DCLK1: variants seen among roughly 807,000 people sequenced by gnomAD.
DCLK1 encodes serine/threonine-protein kinase DCLK1.
In DCLK1, 16 loss-of-function variants were observed where a neutral mutation model predicts 86.2. The ratio of observed to expected loss-of-function variants is 0.19; its 90% confidence interval spans 0.13 to 0.28. The LOEUF is 0.28. Among genes scored for constraint, DCLK1 ranks in the 10% least tolerant of loss-of-function variants. The pLI is 1.00. For synonymous variants in DCLK1, 369 were observed against 370.5 expected (o/e 1.00, Z 0.05); for missense variants, 590 against 940.2 (o/e 0.63, Z 4.87).
intron 6 of DCLK1, among the ~76,000 whole-genome samples, chr13:35,843,798 A>G (rs941944082): frequency 2.0e-5 from 3 of 152,226 alleles, no homozygotes; most frequent in South Asian, 2.1e-4. Context: ...TAATTTAGAA[A>G]TCAAGTTATC....
At chr13:36,032,828 C>T (rs982779201) in intron 3 of DCLK1, among the ~76,000 whole-genome samples, 1 of 152,214 alleles carries the variant, frequency 6.6e-6, no homozygotes, top group Non-Finnish European at 1.5e-5. Context: ...TTCCTTTTAT[C>T]GCAAATGCAG....
At chr13:35,958,283 T>TACTATAACCA (rs1566621020) in intron 3 of DCLK1, among the ~76,000 whole-genome samples, 2 of 3,950 alleles carry the variant, frequency 5.1e-4, no homozygotes, top group Admixed American at 2.7e-3. Context: ...CCACCATCAC[T>TACTATAACCA]GCCACTATAA....
chr13:36,045,967 T>C (rs1882901624), intron 3 of DCLK1, among the ~76,000 whole-genome samples: 1 of 152,144 alleles, frequency 6.6e-6, no homozygotes, highest in South Asian at 2.1e-4. Context: ...TTAGGTTAAT[T>C]CATGACCCAA....
chr13:35,830,234 T>A (rs1437113646), intron 8 of DCLK1, among the ~76,000 whole-genome samples: 1 of 151,214 alleles, frequency 6.6e-6, no homozygotes, highest in African/African-American at 2.4e-5. Context: ...AAAAAAAAAA[T>A]ACAAAAATTA....
intron 1 of DCLK1, among the ~76,000 whole-genome samples, chr13:36,129,658 A>C (rs1235379139): frequency 6.6e-6 from 1 of 152,260 alleles, no homozygotes; most frequent in East Asian, 1.9e-4. Flanking sequence ...CTTTCTGCAC[A>C]GGAAGGCTGC....
chr13:35,990,495 T>C (rs1880172244), intron 3 of DCLK1, among the ~76,000 whole-genome samples: 1 of 152,042 alleles, frequency 6.6e-6, no homozygotes, highest in African/African-American at 2.4e-5. Flanking sequence ...GCTCCCAGGA[T>C]ACCTCTCCAC....
At chr13:35,868,604 T>A (rs1430489667) in intron 5 of DCLK1, among the ~76,000 whole-genome samples, 1 of 152,198 alleles carries the variant, frequency 6.6e-6, no homozygotes, top group Non-Finnish European at 1.5e-5. Flanking sequence ...GTATTGATAC[T>A]ATTCATTAAT....
At chr13:36,055,405 T>G (rs945535205) in intron 3 of DCLK1, among the ~76,000 whole-genome samples, 1 of 152,166 alleles carries the variant, frequency 6.6e-6, no homozygotes, top group Non-Finnish European at 1.5e-5. Flanking sequence ...GAAAATGAAC[T>G]GTCTCGTGCT....
At chr13:36,000,464 A>G (rs1593805087) in intron 3 of DCLK1, among the ~76,000 whole-genome samples, 1 of 152,280 alleles carries the variant, frequency 6.6e-6, no homozygotes, top group African/African-American at 2.4e-5. Flanking sequence ...ATGGCTTTGG[A>G]TTTGCCATTC....
intron 3 of DCLK1, among the ~76,000 whole-genome samples, chr13:35,958,656 C>T (rs754726721): frequency 6.6e-6 from 1 of 152,182 alleles, no homozygotes; most frequent in Non-Finnish European, 1.5e-5. Context: ...GAGGACAGAG[C>T]CTTTTGTCTC....
intron 3 of DCLK1, among the ~76,000 whole-genome samples, chr13:36,064,831 C>A (rs1436398475): frequency 6.6e-6 from 1 of 151,948 alleles, no homozygotes; most frequent in African/African-American, 2.4e-5. Flanking sequence ...GGGTACCTAT[C>A]TCCTATCATT....
chr13:35,835,464 C>T lies in DCLK1; in HGVS notation c.1229+569G>A, dbSNP rs545870681. ...GTAACTTTATCAGTTGTCACTTTTC[C>T]GTCTAGTAGCCACCAGCTAACGTCC... On this transcript the variant is annotated intron_variant, in intron 8 of 16. Transcript: ENST00000360631. Among the ~76,000 whole-genome samples the T allele has an allele frequency of 8.6e-4, 131 of 152,228 alleles. 1 individual carries two copies. Among genetic ancestry groups the T allele is most frequent in the Non-Finnish European group, 5.4e-4 (37 of 68,014 alleles).
rs59881846 is a variant in DCLK1 at position 36,016,187 on chromosome 13, C to A, written c.724-68730G>T. 6.6e-5 allele frequency among the ~76,000 whole-genome samples: 10 copies of A among 152,256 alleles called. No individual in the cohort carries two copies. The East Asian group carries it at 1.7e-3, about 26-fold the overall frequency. ...GGGAACTGCTGCTTTATACATGTAA[C>A]CCCAGGCACAGACTAATGGAAAGCA... On this transcript the variant is annotated intron_variant, in intron 3 of 16. Transcript: ENST00000360631.
At chr13:35,828,157 T>C in intron 9 of DCLK1, 93 bp downstream of exon 9, 1 of 1,064,224 alleles carries the variant, frequency 9.4e-7, no homozygotes, top group South Asian at 1.4e-5. Context: ...AATTCAACCC[T>C]TAGGGTGAAC....
chr13:35,827,496 G>T, intron 10 of DCLK1, 139 bp downstream of exon 10: 2 of 1,057,270 alleles, frequency 1.9e-6, no homozygotes, highest in Non-Finnish European at 2.7e-6. Flanking sequence ...CCATTCTCCT[G>T]TGAACATTCC....
intron 8 of DCLK1, 116 bp from the exon 9 acceptor site, chr13:35,828,423 G>A (rs968617850): frequency 3.6e-6 from 3 of 826,072 alleles, no homozygotes; most frequent in Non-Finnish European, 5.5e-6. Flanking sequence ...TAAATATTTT[G>A]TGAAAGGATT....
In DCLK1 at chr13:36,003,826, G is replaced by A. The variant is rs548260107; in HGVS notation, c.724-56369C>T. On this transcript the variant is annotated intron_variant, in intron 3 of 16. Coordinates refer to ENST00000360631, the MANE Select transcript of DCLK1 (RefSeq NM_001330071.2). The stretch of plus-strand genomic sequence containing the variant: ...ACTGAAAAGATATTTTATGGAAGTA[G>A]TTATGATTTTTAAAATTTAATTACC... Among the ~76,000 whole-genome samples the A allele has an allele frequency of 1.4e-3, 214 of 152,260 alleles. 2 individuals are homozygous for A. The highest frequency in any genetic ancestry group is 1.8e-3 in the Non-Finnish European group (121 of 68,012).
intron 3 of DCLK1, among the ~76,000 whole-genome samples, chr13:36,101,154 C>T (rs577657052): frequency 1.1e-4 from 17 of 152,316 alleles, no homozygotes; most frequent in African/African-American, 3.6e-4. Context: ...GTTTGTGCAG[C>T]GTATTGAGGG....
chr13:35,808,423 T>C, intron 13 of DCLK1, 103 bp from the exon 14 acceptor site: 2 of 883,716 alleles, frequency 2.3e-6, no homozygotes, highest in Non-Finnish European at 3.7e-6. Flanking sequence ...CCCCCATAAA[T>C]GTGTAAAAAT....
Sources: gnomAD v4.1 joint callset for allele counts (sites outside exome capture counted in the v4.1 genomes callset) on GRCh38, gnomAD v4.1.1 for gene constraint, MANE v1.5 for transcripts, NCBI Gene and HGNC (gene_info 2026-07-23, HGNC 2026-07-21) for gene names.